RTN3: variants seen among roughly 807,000 people sequenced by gnomAD.
RTN3 encodes reticulon-3.
In RTN3, 49 loss-of-function variants were observed where a neutral mutation model predicts 77.8. The ratio of observed to expected loss-of-function variants is 0.63; its 90% CI spans 0.50 to 0.80. RTN3 has a LOEUF of 0.80. RTN3 is among the 30% of genes least tolerant of loss of function. The pLI is 0.00. For missense variants in RTN3, 1,236 were observed against 1,211.9 expected (o/e 1.02, Z -0.29); for synonymous variants, 464 against 446.9 (o/e 1.04, Z -0.48).
At chr11:63,753,205 A>C in intron 6 of RTN3, 67 bp downstream of exon 6, 1 of 1,452,016 alleles carries the variant, frequency 6.9e-7, no homozygotes, top group East Asian at 2.3e-5. Context: ...GTGAAGAGAA[A>C]GCCCAGCATG....
chr11:63,742,517 C>T lies in RTN3; in HGVS notation c.2531-7474C>T, dbSNP rs563381733. On this transcript the variant is annotated intron_variant, in intron 3 of 8. Coordinates refer to ENST00000377819, the MANE Select transcript of RTN3 (RefSeq NM_001265589.2). ...AAAATTAGCTGGGCATGGTGGCACA[C>T]GCCTGTAATCCCAGCTACTTTGGGA... is the stretch of plus-strand genomic sequence containing the variant. Among the ~76,000 whole-genome samples, 15 of 151,750 alleles carry T rather than the reference C, an allele frequency of 9.9e-5. No individual in the cohort carries two copies. In the South Asian group the frequency reaches 2.3e-3, roughly 23 times the overall value.
chr11:63,720,702 G>A lies in RTN3; in HGVS notation c.2200G>A (p.Ala734Thr), dbSNP rs141979420. The change falls in exon 3 of 9, where the codon GCA (alanine) becomes ACA (threonine). Residue 734 changes from alanine (A) to threonine (T), a missense_variant. Physicochemically the swap from Ala to Thr is moderately conservative, Grantham distance 58. Around this residue, in one of 3 missense-constraint regions of RTN3, gnomAD observed 1,056 missense variants for 990.4 expected, o/e 1.07. Transcript: ENST00000377819. The stretch of plus-strand genomic sequence containing the variant: ...TTTCCCTACCCAAGGTACTCCAGTA[G>A]CATCTCTTGACTTAGAACAAGAACA... The part of the protein sequence containing the change: ...GVFPTQGTPV[A>T]SLDLEQEQLT... 96 of 1,614,144 alleles carry A rather than the reference G, an allele frequency of 5.9e-5. No individual in the cohort carries two copies. The African/African-American group carries it at 1.1e-3, about 19-fold the overall frequency.
rs780651318 is a variant in RTN3 at position 63,719,187 on chromosome 11, T to G, written c.685T>G (p.Ser229Ala). 1 of 1,614,058 alleles carries G rather than the reference T, an allele frequency of 6.2e-7. No individual in the cohort carries two copies. ...KVEGIYTYSL[S>A]PSKVSGDDVI... Reference sequence around the variant, plus strand: ...AGAAGGCATTTATACATATTCTTTGTCTCCATCCAAAGTTTCAGGAGATGA... The same window carrying G: ...AGAAGGCATTTATACATATTCTTTGGCTCCATCCAAAGTTTCAGGAGATGA... The change falls in exon 3 of 9, where the codon TCT (serine) becomes GCT (alanine). Residue 229 changes from serine to alanine, a missense_variant. By Grantham distance (99) the Ser-to-Ala change is moderately conservative. Transcript: ENST00000377819.
At chr11:63,757,690 C>T (rs2014450502) in intron 8 of RTN3, among the ~76,000 whole-genome samples, 2 of 151,030 alleles carry the variant, frequency 1.3e-5, no homozygotes, top group Admixed American at 6.6e-5. Flanking sequence ...GTGAACCTAA[C>T]GCTTTGAATT....
At position 63,718,885 on chromosome 11, in the gene RTN3, A is replaced by G. The variant is rs946776218; in HGVS notation, c.383A>G (p.Lys128Arg). Residue 128 changes from lysine to arginine, a missense_variant, in exon 3 of 9, where the codon AAA (lysine) becomes AGA (arginine). Coordinates refer to ENST00000377819, the MANE Select transcript of RTN3 (RefSeq NM_001265589.2). The part of the protein sequence containing the change: ...GKDHLDLLDM[K>R]KMEKPQGTSN... ...GACCACTTGGATCTTCTAGATATGA[A>G]AAAGATGGAAAAGCCTCAGGGGACC... The G allele has an allele frequency of 1.2e-6, 2 of 1,614,022 alleles. No homozygotes were observed. The highest frequency in any genetic ancestry group is 3.3e-5 in the Admixed American group (2 of 59,978).
chr11:63,717,375 C>CTTTT (rs1187530525), intron 2 of RTN3, among the ~76,000 whole-genome samples: 7 of 75,164 alleles, frequency 9.3e-5, no homozygotes, highest in Non-Finnish European at 1.6e-4. Context: ...TTAACTCTGT[C>CTTTT]TTTTTTTTTT....
intron 3 of RTN3, among the ~76,000 whole-genome samples, chr11:63,725,739 A>G (rs2134938605): frequency 6.6e-6 from 1 of 152,306 alleles, no homozygotes; most frequent in Non-Finnish European, 1.5e-5. Context: ...GGCATGAGCC[A>G]CCGCGCCCGG....
At chr11:63,687,889 A>G (rs1941454837) in intron 1 of RTN3, among the ~76,000 whole-genome samples, 2 of 152,292 alleles carry the variant, frequency 1.3e-5, no homozygotes, top group Non-Finnish European at 1.5e-5. Flanking sequence ...GACTATTGTT[A>G]TGCCTTTTTT....
At chr11:63,734,337 C>A (rs1407259565) in intron 3 of RTN3, among the ~76,000 whole-genome samples, 2 of 151,852 alleles carry the variant, frequency 1.3e-5, no homozygotes, top group African/African-American at 4.8e-5. Context: ...AATCCCAGTA[C>A]TCAGGAGGCT....
chr11:63,755,651 CAAAAAAAAAAAAAAAA>C (rs776039864), intron 7 of RTN3, among the ~76,000 whole-genome samples: 1 of 17,064 alleles, frequency 5.9e-5, no homozygotes, highest in Admixed American at 9.7e-4. Flanking sequence ...AATTCCATCT[CAAAAAAAAAAAAAAAA>C]AAAAAAAAAA....
intron 2 of RTN3, among the ~76,000 whole-genome samples, chr11:63,709,591 A>C (rs1363299492): frequency 1.3e-5 from 2 of 152,018 alleles, no homozygotes; most frequent in African/African-American, 4.8e-5. Flanking sequence ...TTTTAAAAAA[A>C]AAAAAAGAAA....
rs1165833997 is a variant in RTN3, at chr11:63,759,127, T to C, written c.*926T>C. 11 of 152,252 alleles carry C rather than the reference T, an allele frequency of 7.2e-5. No individual in the cohort carries two copies. The highest frequency in any genetic ancestry group is 2.1e-4 in the South Asian group (1 of 4,832). 9.4% of individuals were successfully genotyped at this position (152,252 alleles called of 1,614,324 possible). A position where few individuals can be genotyped will look rare whatever the true frequency, so the allele number is the denominator to read the frequency against. Reference sequence around the variant, plus strand: ...AACCTGCATGTGGGCTCCTCAGTTATTGAGTTTTTGTGATCCTATCTCAGT... The same window carrying C: ...AACCTGCATGTGGGCTCCTCAGTTACTGAGTTTTTGTGATCCTATCTCAGT... On this transcript the variant is annotated 3_prime_UTR_variant, in exon 9 of 9. Coordinates refer to ENST00000377819, the MANE Select transcript of RTN3 (RefSeq NM_001265589.2).
chr11:63,754,573 G>A (rs1450275859), intron 7 of RTN3, among the ~76,000 whole-genome samples: 2 of 151,818 alleles, frequency 1.3e-5, no homozygotes, highest in Non-Finnish European at 2.9e-5. Context: ...GGTGGCAGGC[G>A]CCTGTGGTCC....
intron 1 of RTN3, among the ~76,000 whole-genome samples, chr11:63,691,441 G>A (rs1356005522): frequency 2.0e-5 from 3 of 152,024 alleles, no homozygotes; most frequent in Non-Finnish European, 4.4e-5. Flanking sequence ...TATTTTGATA[G>A]AGACGAGGTC....
At chr11:63,751,562 T>G (rs1460246468) in intron 4 of RTN3, among the ~76,000 whole-genome samples, 2 of 152,198 alleles carry the variant, frequency 1.3e-5, no homozygotes, top group Non-Finnish European at 2.9e-5. Flanking sequence ...TTGAAGGCTC[T>G]TTTTTCATAG....
intron 2 of RTN3, among the ~76,000 whole-genome samples, chr11:63,716,400 A>G (rs1326482271): frequency 6.6e-6 from 1 of 152,246 alleles, no homozygotes; most frequent in Non-Finnish European, 1.5e-5. Context: ...CCAGTTACTC[A>G]TTCATGCTCA....
Position 63,720,959 on chromosome 11 carries a change from T to C in RTN3, c.2457T>C (p.Asp819=), listed in dbSNP as rs750248608. The change falls in exon 3 of 9, where the codon GAT becomes GAC. Residue 819 remains aspartate, a synonymous_variant. Coordinates refer to ENST00000377819, the MANE Select transcript of RTN3 (RefSeq NM_001265589.2). ...PITIRETTRV[D]AVSSLSKTEL... is the part of the protein sequence containing the mutation. ...CTATCAGAGAAACTACTAGGGTAGA[T>C]GCTGTTTCCAGCCTTAGCAAGACTG... The C allele has an allele frequency of 4.2e-5, 68 of 1,613,922 alleles. 1 individual carries two copies. The South Asian group carries it at 6.8e-4, about 16-fold the overall frequency.
intron 2 of RTN3, chr11:63,714,201 C>A (rs2011260374): frequency 2.8e-6 from 1 of 357,440 alleles, no homozygotes; most frequent in Non-Finnish European, 5.5e-6. Context: ...ATGGTATTTT[C>A]ATTTGCTGAA....
At chr11:63,693,817 C>G (rs1373948552) in intron 1 of RTN3, among the ~76,000 whole-genome samples, 2 of 152,162 alleles carry the variant, frequency 1.3e-5, no homozygotes, top group South Asian at 2.1e-4. Flanking sequence ...ATGCCACATT[C>G]TGGCATATTA....
Sources: gnomAD v4.1 joint callset for allele counts (sites outside exome capture counted in the v4.1 genomes callset) on GRCh38, gnomAD v4.1.1 for gene constraint, gnomAD v4.1.1 regional missense constraint, MANE v1.5 for transcripts, NCBI Gene and HGNC (gene_info 2026-07-23, HGNC 2026-07-21) for gene names.